MATCAP2: variants seen among roughly 807,000 people sequenced by gnomAD.
MATCAP2 encodes the protein microtubule associated tyrosine carboxypeptidase 2, also known as putative tyrosine carboxypeptidase MATCAP2.
At chr7:36,360,451 C>T in the MATCAP2 span, among the ~76,000 whole-genome samples, 1 of 152,150 alleles carries the variant, frequency 6.6e-6, no homozygotes, top group Non-Finnish European at 1.5e-5. Flanking sequence ...TCCTGAGAAG[C>T]TTAGCACGAG....
At chr7:36,340,159 C>G in the MATCAP2 span, among the ~76,000 whole-genome samples, 56 of 152,316 alleles carry the variant, frequency 3.7e-4, no homozygotes, top group African/African-American at 1.3e-3. Context: ...TGAGCCACCG[C>G]GCTTGGCCTG....
chr7:36,366,924 C>T, the MATCAP2 span: 2 of 1,437,244 alleles, frequency 1.4e-6, no homozygotes, highest in Non-Finnish European at 1.8e-6. Context: ...ACCCGTCACG[C>T]GAATGGACTC....
the MATCAP2 span, among the ~76,000 whole-genome samples, chr7:36,379,841 C>CAGAGAGAGAGAGAG: frequency 2.8e-3 from 357 of 127,418 alleles, 3 homozygotes; most frequent in East Asian, 0.029. Flanking sequence ...CACACACACA[C>CAGAGAGAGAGAGAG]ACACACAGAG....
At chr7:36,356,660 CTAATA>C in the MATCAP2 span, 14 of 581,612 alleles carry the variant, frequency 2.4e-5, no homozygotes, top group Admixed American at 6.1e-5. Flanking sequence ...AGCTGTCTTC[CTAATA>C]TAATTGCTTC....
chr7:36,335,283 T>A, the MATCAP2 span: 1 of 1,037,544 alleles, frequency 9.6e-7, no homozygotes. Context: ...CTGTTTTTTG[T>A]TTATAACCAC....
At chr7:36,337,127 C>CAAAAAAAAAAAAAAAAAAAAAAAAAAAA in the MATCAP2 span, among the ~76,000 whole-genome samples, 1 of 29,342 alleles carries the variant, frequency 3.4e-5, no homozygotes. Flanking sequence ...AAAAAAAAAG[C>CAAAAAAAAAAAAAAAAAAAAAAAAAAAA]AATCAGTCTT....
At chr7:36,384,957 T>C in the MATCAP2 span, among the ~76,000 whole-genome samples, 1 of 151,892 alleles carries the variant, frequency 6.6e-6, no homozygotes, top group African/African-American at 2.4e-5. Flanking sequence ...GCCTTGTAGG[T>C]ATGATAAGGA....
chr7:36,358,862 T>C, the MATCAP2 span, among the ~76,000 whole-genome samples: 1 of 152,208 alleles, frequency 6.6e-6, no homozygotes, highest in African/African-American at 2.4e-5. Context: ...ACACAAACAA[T>C]AACCTACAGT....
At chr7:36,346,009 G>C in the MATCAP2 span, among the ~76,000 whole-genome samples, 1 of 152,098 alleles carries the variant, frequency 6.6e-6, no homozygotes, top group Non-Finnish European at 1.5e-5. Flanking sequence ...AATTGGCAAA[G>C]GATCTGAAAT....
chr7:36,336,902 C>G, the MATCAP2 span, among the ~76,000 whole-genome samples: 1 of 151,620 alleles, frequency 6.6e-6, no homozygotes, highest in Admixed American at 6.6e-5. Context: ...CAAGACCAGC[C>G]TGGTCCACAT....
At chr7:36,349,310 C>T in the MATCAP2 span, among the ~76,000 whole-genome samples, 2 of 151,920 alleles carry the variant, frequency 1.3e-5, no homozygotes, top group African/African-American at 2.4e-5. Context: ...CAGACTAGGA[C>T]CAGATTGCAA....
the MATCAP2 span, among the ~76,000 whole-genome samples, chr7:36,334,449 T>C: frequency 7.3e-6 from 1 of 137,842 alleles, no homozygotes; most frequent in Admixed American, 8.4e-5. Context: ...GTGAAGAGGA[T>C]CACTTAAGCC....
chr7:36,354,790 T>C, the MATCAP2 span, among the ~76,000 whole-genome samples: 10 of 152,226 alleles, frequency 6.6e-5, no homozygotes, highest in African/African-American at 1.4e-4. Flanking sequence ...TCAGCTAAGA[T>C]TGCTAGTGCT....
chr7:36,339,840 T>TC, the MATCAP2 span, among the ~76,000 whole-genome samples: 4 of 152,058 alleles, frequency 2.6e-5, no homozygotes, highest in Admixed American at 6.6e-5. Flanking sequence ...TGCTTATAGA[T>TC]ATTTTTTTTA....
the MATCAP2 span, among the ~76,000 whole-genome samples, chr7:36,382,387 A>G: frequency 6.6e-6 from 1 of 151,968 alleles, no homozygotes; most frequent in African/African-American, 2.4e-5. Context: ...TTGATGTTCA[A>G]TAAATTGACT....
chr7:36,348,643 T>C, the MATCAP2 span, among the ~76,000 whole-genome samples: 1 of 152,200 alleles, frequency 6.6e-6, no homozygotes, highest in South Asian at 2.1e-4. Context: ...TTTTATATTT[T>C]AGAATCTAAG....
chr7:36,362,078 G>T, the MATCAP2 span, among the ~76,000 whole-genome samples: 2 of 152,198 alleles, frequency 1.3e-5, no homozygotes, highest in Non-Finnish European at 2.9e-5. Flanking sequence ...CAATGGTTAT[G>T]TATGTACAAA....
At chr7:36,329,264 G>A in the MATCAP2 span, among the ~76,000 whole-genome samples, 3 of 152,122 alleles carry the variant, frequency 2.0e-5, no homozygotes, top group African/African-American at 4.8e-5. Context: ...GAGAAACAAG[G>A]TTCTCATTTT....
At chr7:36,331,005 G>A in the MATCAP2 span, 1 of 1,612,506 alleles carries the variant, frequency 6.2e-7, no homozygotes, top group South Asian at 1.1e-5. Context: ...GTCAGCAGAT[G>A]GAAGTCTATG....
Sources: gnomAD v4.1 joint callset for allele counts (sites outside exome capture counted in the v4.1 genomes callset) on GRCh38, gnomAD v4.1.1 for gene constraint, MANE v1.5 for transcripts, NCBI Gene and HGNC (gene_info 2026-07-23, HGNC 2026-07-21) for gene names.